Variants in ZC3H14 observed in about 807,000 individuals in gnomAD.
The protein encoded by ZC3H14 is zinc finger CCCH-type containing 14.
In ZC3H14, 31 loss-of-function variants were observed where a neutral mutation model predicts 92.4. That is an observed-to-expected ratio of 0.34 (90% CI 0.25 to 0.45). The LOEUF (loss-of-function observed/expected upper bound fraction) is 0.45, where lower values mean the gene tolerates loss of function less well. Ranked by LOEUF, ZC3H14 falls within the 20% of genes least tolerant of loss-of-function variation. The pLI is 1.00. For missense variants in ZC3H14, 781 were observed against 897.3 expected (o/e 0.87, Z 1.66); for synonymous variants, 321 against 300.9 (o/e 1.07, Z -0.69).
At position 88,620,949 on chromosome 14, in the gene ZC3H14, A is replaced by G. The variant is rs1567018599; in HGVS notation, c.*9198A>G. 6.7e-7 allele frequency: 1 copy of G among 1,486,084 alleles called. No individual in the cohort carries two copies. Among genetic ancestry groups the G allele is most frequent in the Non-Finnish European group, 8.9e-7 (1 of 1,123,136 alleles). The allele number at this position is 1,486,084 out of a possible 1,614,324, so 92.1% of individuals were successfully genotyped here. A position where few individuals can be genotyped will look rare whatever the true frequency, so the allele number is the denominator to read the frequency against. ...CTTCTGCATTTAAAAAAAAAAAAAA[A>G]AAGAGTCATAGGAAACATTAAGTGA... On this transcript the variant is annotated 3_prime_UTR_variant, in exon 17 of 17. Coordinates refer to ENST00000251038, the MANE Select transcript of ZC3H14 (RefSeq NM_024824.5). The surrounding 1 kb of genome is among the most constrained non-coding windows in gnomAD (Gnocchi z 4.3).
rs1266228384 is a variant in ZC3H14 at position 88,612,774 on chromosome 14, ATTAC to A, written c.*1028_*1031del. 1 of 152,484 alleles carries A rather than the reference ATTAC, an allele frequency of 6.6e-6. No homozygotes were observed. Among genetic ancestry groups the A allele is most frequent in the East Asian group, 1.9e-4 (1 of 5,204 alleles). 9.4% of individuals were successfully genotyped at this position (152,484 alleles called of 1,614,324 possible). ...TAGGATGAAACTTTTGGCCTACTGTATTACTTACAGAGTTTTTTTGTGTGTGGTT... is the reference window on the plus strand; with the variant it reads ...TAGGATGAAACTTTTGGCCTACTGTATTACAGAGTTTTTTTGTGTGTGGTT... On this transcript the variant is annotated 3_prime_UTR_variant, in exon 17 of 17. Transcript: ENST00000251038.
chr14:88,568,317 A>G (rs546591137), intron 3 of ZC3H14, among the ~76,000 whole-genome samples, 164 bp downstream of exon 3: 1 of 152,366 alleles, frequency 6.6e-6, no homozygotes, highest in East Asian at 1.9e-4. Context: ...TCACAGTGCT[A>G]TGAAGAAATA....
chr14:88,582,559 A>G (rs2082021913), intron 9 of ZC3H14, among the ~76,000 whole-genome samples: 1 of 152,208 alleles, frequency 6.6e-6, no homozygotes, highest in Non-Finnish European at 1.5e-5. Context: ...TTTGAAGAGG[A>G]CCGATAAAGA....
Position 88,615,834 on chromosome 14 carries a change from A to G in ZC3H14, c.*4083A>G, listed in dbSNP as rs775809397. ...CAGCATCTCTCAGTGAGGTGTATGT[A>G]CACATTTCCAGACAAATAAGCTGCA... On this transcript the variant is annotated 3_prime_UTR_variant, in exon 17 of 17. Transcript: ENST00000251038. 6.2e-7 allele frequency: 1 copy of G among 1,612,010 alleles called. No homozygotes were observed. Among genetic ancestry groups the G allele is most frequent in the South Asian group, 1.1e-5 (1 of 90,362 alleles).
chr14:88,610,744 CAG>C, intron 15 of ZC3H14, 88 bp from the exon 16 acceptor site: 1 of 1,299,790 alleles, frequency 7.7e-7, no homozygotes, highest in Non-Finnish European at 1.1e-6. Flanking sequence ...GCCTGGGTGA[CAG>C]AGTGAGACCC....
intron 10 of ZC3H14, among the ~76,000 whole-genome samples, chr14:88,597,462 A>G (rs1238418042): frequency 6.6e-6 from 1 of 152,136 alleles, no homozygotes; most frequent in Admixed American, 6.5e-5. Flanking sequence ...GTTTCCCCTA[A>G]GTCTGTCTTT....
At position 88,611,069 on chromosome 14, in the gene ZC3H14, T is replaced by G. The variant is rs2086623693; in HGVS notation, c.2204+129T>G. The G allele has an allele frequency of 1.2e-5, 11 of 904,714 alleles. No individual in the cohort carries two copies. The South Asian group carries it at 1.6e-4, about 13-fold the overall frequency. The allele number at this position is 904,714 out of a possible 1,614,324, so 56.0% of individuals were successfully genotyped here. The stretch of plus-strand genomic sequence containing the variant: ...TTGAATTTTTTTCTTTGCTGTTTAA[T>G]TATAGAAGGCTCCTTTGGCAAAATA... On this transcript the variant is annotated intron_variant, in intron 16 of 16. Coordinates refer to ENST00000251038, the MANE Select transcript of ZC3H14 (RefSeq NM_024824.5).
intron 9 of ZC3H14, among the ~76,000 whole-genome samples, chr14:88,594,163 TCAAAA>T (rs1311000840): frequency 2.0e-5 from 3 of 152,164 alleles, no homozygotes; most frequent in Non-Finnish European, 4.4e-5. Context: ...GAAATACAAC[TCAAAA>T]CAAATCAGAA....
rs916758486 is a variant in ZC3H14 at position 88,615,268 on chromosome 14, ACAT to A, written c.*3521_*3523del. The A allele has an allele frequency of 9.8e-5, 15 of 152,350 alleles. No homozygotes were observed. The highest frequency in any genetic ancestry group is 3.6e-4 in the African/African-American group (15 of 41,586). 9.4% of individuals were successfully genotyped at this position (152,350 alleles called of 1,614,324 possible). A position where few individuals can be genotyped will look rare whatever the true frequency, so the allele number is the denominator to read the frequency against. ...AAAGGACCTTATTAATGCCTAAAAA[ACAT>A]CATATTCTCTAGGAAAGCTTGTGTC... is the stretch of plus-strand genomic sequence containing the variant. On this transcript the variant is annotated 3_prime_UTR_variant, in exon 17 of 17. Coordinates refer to ENST00000251038, the MANE Select transcript of ZC3H14 (RefSeq NM_024824.5).
intron 8 of ZC3H14, among the ~76,000 whole-genome samples, chr14:88,577,097 A>G (rs543703048): frequency 6.2e-4 from 95 of 152,120 alleles, no homozygotes; most frequent in East Asian, 1.9e-4. Flanking sequence ...GCCTGGCACC[A>G]TCAGTTTTTG....
chr14:88,606,369 G>T (rs931677006), intron 12 of ZC3H14, among the ~76,000 whole-genome samples: 6 of 152,112 alleles, frequency 3.9e-5, no homozygotes, highest in Non-Finnish European at 7.4e-5. Context: ...GTCCCTTATT[G>T]CATTTATCAT....
At chr14:88,597,029 A>T (rs2083930271) in intron 10 of ZC3H14, among the ~76,000 whole-genome samples, 1 of 152,024 alleles carries the variant, frequency 6.6e-6, no homozygotes, top group Admixed American at 6.6e-5. Context: ...TTCCTTTCAC[A>T]CCATTCCAAG....
intron 8 of ZC3H14, among the ~76,000 whole-genome samples, chr14:88,576,914 C>T (rs1450188990): frequency 6.6e-6 from 1 of 152,060 alleles, no homozygotes; most frequent in East Asian, 1.9e-4. Flanking sequence ...CCTCAGCCTC[C>T]CAAGTAGCTG....
At chr14:88,588,271 A>G (rs1034709554) in intron 9 of ZC3H14, among the ~76,000 whole-genome samples, 3 of 152,082 alleles carry the variant, frequency 2.0e-5, no homozygotes, top group Admixed American at 1.3e-4. Context: ...TCGGCTCTGC[A>G]ATTCCTGAAT....
Position 88,616,051 on chromosome 14 carries a change from G to A in ZC3H14, c.*4300G>A. ...TACCTTCTACTAATGTTGACTAGCTGATTTCATAAACCAAAGCTGTAGGAG... is the reference window on the plus strand; with the variant it reads ...TACCTTCTACTAATGTTGACTAGCTAATTTCATAAACCAAAGCTGTAGGAG... On this transcript the variant is annotated 3_prime_UTR_variant, in exon 17 of 17. Coordinates refer to ENST00000251038, the MANE Select transcript of ZC3H14 (RefSeq NM_024824.5). 7.6e-7 allele frequency: 1 copy of A among 1,315,224 alleles called. No homozygotes were observed. The highest frequency in any genetic ancestry group is 1.1e-6 in the Non-Finnish European group (1 of 922,488). 81.5% of individuals were successfully genotyped at this position (1,315,224 alleles called of 1,614,324 possible). A position where few individuals can be genotyped will look rare whatever the true frequency, so the allele number is the denominator to read the frequency against.
intron 12 of ZC3H14, among the ~76,000 whole-genome samples, chr14:88,606,960 A>G (rs2085507106): frequency 6.6e-6 from 1 of 152,036 alleles, no homozygotes; most frequent in African/African-American, 2.4e-5. Context: ...TAATTCAGCT[A>G]TGAATTAGTA....
intron 9 of ZC3H14, chr14:88,594,842 T>C (rs780397176): frequency 6.2e-7 from 1 of 1,614,102 alleles, no homozygotes; most frequent in Non-Finnish European, 8.5e-7. Context: ...CTAGACAATA[T>C]TTCCCACCTT....
chr14:88,593,855 C>T (rs1425909257), intron 9 of ZC3H14, among the ~76,000 whole-genome samples: 1 of 149,942 alleles, frequency 6.7e-6, no homozygotes, highest in African/African-American at 2.4e-5. Flanking sequence ...ACTCGGACTT[C>T]ATCAAAATTT....
At chr14:88,607,592 C>T (rs1361593437) in intron 13 of ZC3H14, among the ~76,000 whole-genome samples, 2 of 139,648 alleles carry the variant, frequency 1.4e-5, no homozygotes, top group African/African-American at 5.7e-5. Context: ...GTACCATCTC[C>T]CCATCTCACC....
Sources: allele counts gnomAD v4.1 joint callset (sites outside exome capture counted in the v4.1 genomes callset), GRCh38; gene constraint gnomAD v4.1.1; non-coding constraint Gnocchi (gnomAD v3.1); transcripts MANE v1.5; gene names NCBI Gene and HGNC (gene_info 2026-07-23, HGNC 2026-07-21).